Variants in SLC7A14 observed in about 807,000 individuals in gnomAD.
SLC7A14 encodes the protein gamma-aminobutyric acid transporter SLC7A14.
Under a neutral mutation model 60.2 loss-of-function variants are expected in SLC7A14, and 37 were observed. That is an observed-to-expected ratio of 0.61 (90% CI 0.47 to 0.81). The LOEUF is 0.81. Among genes scored for constraint, SLC7A14 ranks in the 30% least tolerant of loss-of-function variants. The pLI, the probability that SLC7A14 is intolerant of heterozygous loss-of-function variation, is 0.00. For synonymous variants in SLC7A14, 399 were observed against 395.8 expected (o/e 1.01, Z -0.10); for missense variants, 886 against 982.7 (o/e 0.90, Z 1.32).
chr3:170,469,252 G>C (rs890214159), intron 7 of SLC7A14, among the ~76,000 whole-genome samples: 1 of 152,090 alleles, frequency 6.6e-6, no homozygotes, highest in African/African-American at 2.4e-5. Flanking sequence ...GAGAAATCTT[G>C]CTCTCTTTTG....
chr3:170,533,032 A>C (rs1377336705), intron 1 of SLC7A14, among the ~76,000 whole-genome samples: 1 of 152,120 alleles, frequency 6.6e-6, no homozygotes, highest in Non-Finnish European at 1.5e-5. Context: ...GGATGGCTAG[A>C]CCATGGTAGG....
intron 4 of SLC7A14, chr3:170,496,642 T>G (rs1577513196): frequency 7.0e-7 from 1 of 1,421,786 alleles, no homozygotes; most frequent in African/African-American, 1.4e-5. Context: ...CCGGCTGGAG[T>G]CTGGGATGCA....
chr3:170,520,590 T>C (rs1713313566), intron 2 of SLC7A14, among the ~76,000 whole-genome samples: 2 of 152,288 alleles, frequency 1.3e-5, no homozygotes, highest in South Asian at 4.1e-4. Context: ...TTCTTATGAG[T>C]AGATGACAAA....
At chr3:170,525,579 CTTGTCATT>C in intron 2 of SLC7A14, among the ~76,000 whole-genome samples, 1 of 152,098 alleles carries the variant, frequency 6.6e-6, no homozygotes, top group African/African-American at 2.4e-5. Flanking sequence ...GATTTACTGA[CTTGTCATT>C]TTGCTGCTCT....
intron 7 of SLC7A14, among the ~76,000 whole-genome samples, chr3:170,469,775 C>T (rs17533055): frequency 0.19 from 29,536 of 151,946 alleles, 2,927 homozygotes; most frequent in East Asian, 0.27. Context: ...CAATTCTTTC[C>T]TTTCTGATGC....
At chr3:170,568,105 A>T (rs979336528) in intron 1 of SLC7A14, among the ~76,000 whole-genome samples, 2 of 152,096 alleles carry the variant, frequency 1.3e-5, no homozygotes, top group African/African-American at 2.4e-5. Flanking sequence ...CTGAATGGTA[A>T]TGCCTAGGTT....
intron 1 of SLC7A14, among the ~76,000 whole-genome samples, chr3:170,584,234 G>A (rs1489232680): frequency 6.6e-6 from 1 of 152,184 alleles, no homozygotes; most frequent in East Asian, 1.9e-4. Context: ...AACATACAGG[G>A]CTGCTTAGCG....
rs762443090 is a variant in SLC7A14, at chr3:170,467,146, C to G, written c.2225G>C (p.Arg742Pro). The part of the protein sequence containing the change: ...QQMSDAKANG[R>P]TSSKAKSKSK... ...TTTGCTCTTCGCTTTGCTACTTGTC[C>G]GGCCGTTTGCCTTCGCATCTGACAT... The change falls in exon 8 of 8, where the codon CGG (arginine) becomes CCG (proline). Residue 742 changes from arginine to proline, a missense_variant. Physicochemically the swap from Arg to Pro is moderately radical, Grantham distance 103. Transcript: ENST00000231706. The G allele has an allele frequency of 6.2e-7, 1 of 1,614,096 alleles. No individual in the cohort carries two copies. The highest frequency in any genetic ancestry group is 1.7e-5 in the Admixed American group (1 of 60,008).
intron 1 of SLC7A14, among the ~76,000 whole-genome samples, chr3:170,558,002 TG>T (rs745481035): frequency 1.3e-5 from 2 of 152,112 alleles, no homozygotes; most frequent in Admixed American, 1.3e-4. Context: ...CACTACACGC[TG>T]GGGGGCAAAA....
intron 2 of SLC7A14, among the ~76,000 whole-genome samples, chr3:170,508,455 C>T (rs1712856169): frequency 6.6e-6 from 1 of 152,218 alleles, no homozygotes; most frequent in Non-Finnish European, 1.5e-5. Flanking sequence ...GTGTCTTATA[C>T]TTCACACTGG....
chr3:170,494,485 AC>A (rs1560257210), intron 4 of SLC7A14, among the ~76,000 whole-genome samples: 1 of 152,160 alleles, frequency 6.6e-6, no homozygotes, highest in Non-Finnish European at 1.5e-5. Flanking sequence ...GGAAAGGGAG[AC>A]CCCCAAAGAG....
intron 1 of SLC7A14, among the ~76,000 whole-genome samples, chr3:170,579,347 T>G (rs879606146): frequency 3.3e-5 from 5 of 152,240 alleles, no homozygotes; most frequent in Non-Finnish European, 7.3e-5. Flanking sequence ...AGCCTTTCCA[T>G]TTCTGAAGAC....
rs946924675 is a variant in SLC7A14, at chr3:170,585,676, G to C, written c.-153+235C>G. ...TGCCCCCAGACCGCGGGCAGTCGGG[G>C]CCTCATTCCGGGCCAGAGCAGGAAA... On this transcript the variant is annotated intron_variant, in intron 1 of 7. Coordinates refer to ENST00000231706, the MANE Select transcript of SLC7A14 (RefSeq NM_020949.3). The surrounding 1 kb of genome is among the most constrained non-coding windows in gnomAD (Gnocchi z 5.1). Among the ~76,000 whole-genome samples, 2 of 152,116 alleles carry C rather than the reference G, an allele frequency of 1.3e-5. No homozygotes were observed. The highest frequency in any genetic ancestry group is 1.3e-4 in the Admixed American group (2 of 15,288).
chr3:170,569,743 G>T (rs552236853), intron 1 of SLC7A14, among the ~76,000 whole-genome samples: 6 of 152,188 alleles, frequency 3.9e-5, no homozygotes, highest in East Asian at 3.9e-4. Flanking sequence ...TCTTGGGAGG[G>T]TGTATGTGTC....
rs1354950285 is a variant in SLC7A14 at position 170,459,551 on chromosome 3, C to T, written c.*7504G>A. 1 of 152,128 alleles carries T rather than the reference C, an allele frequency of 6.6e-6. No homozygotes were observed. Among genetic ancestry groups the T allele is most frequent in the Non-Finnish European group, 1.5e-5 (1 of 68,038 alleles). The allele number at this position is 152,128 out of a possible 1,614,324, so 9.4% of individuals were successfully genotyped here. Reference sequence around the variant, plus strand: ...AAAGGGGTAGGATGGCACTGACTTTCTTCAAATTTAAATTTTATTAGTCGA... The same window carrying T: ...AAAGGGGTAGGATGGCACTGACTTTTTTCAAATTTAAATTTTATTAGTCGA... On this transcript the variant is annotated 3_prime_UTR_variant, in exon 8 of 8. Coordinates refer to ENST00000231706, the MANE Select transcript of SLC7A14 (RefSeq NM_020949.3).
intron 4 of SLC7A14, chr3:170,495,825 C>G (rs1232175801): frequency 1.2e-5 from 14 of 1,126,520 alleles, no homozygotes; most frequent in East Asian, 2.3e-5. Context: ...CCTGCAGCAG[C>G]AGAAGATGGC....
intron 1 of SLC7A14, among the ~76,000 whole-genome samples, chr3:170,563,947 C>T (rs775252461): frequency 4.6e-5 from 7 of 152,160 alleles, no homozygotes; most frequent in South Asian, 2.1e-4. Context: ...TATTAAATAA[C>T]GAATCCTTAT....
In SLC7A14 at chr3:170,480,335, C is replaced by G. The variant is rs1711766745; in HGVS notation, c.1947G>C (p.Lys649Asn). Reference protein sequence around the residue: ...AMLVNIYLMLKLSTITWIRFA... With the variant: ...AMLVNIYLMLNLSTITWIRFA... ...ACCGGATCCATGTGATGGTGGAGAG[C>G]TTTAGCATGAGATAGATGTTCACCA... is the stretch of plus-strand genomic sequence containing the variant. The change falls in exon 7 of 8, where the codon AAG (lysine) becomes AAC (asparagine). Residue 649 changes from lysine to asparagine, a missense_variant. Lys to Asn is a moderately conservative substitution (Grantham distance 94). Transcript: ENST00000231706. The G allele has an allele frequency of 6.4e-7, 1 of 1,573,576 alleles. No homozygotes were observed. The highest frequency in any genetic ancestry group is 1.8e-5 in the Admixed American group (1 of 54,894).
intron 1 of SLC7A14, among the ~76,000 whole-genome samples, chr3:170,557,639 T>C (rs551030672): frequency 1.3e-5 from 2 of 152,356 alleles, no homozygotes; most frequent in South Asian, 2.1e-4. Context: ...GCTCTTTCAC[T>C]GACCAGCTGT....
Sources: allele counts gnomAD v4.1 joint callset (sites outside exome capture counted in the v4.1 genomes callset), GRCh38; gene constraint gnomAD v4.1.1; non-coding constraint Gnocchi (gnomAD v3.1); transcripts MANE v1.5; gene names NCBI Gene and HGNC (gene_info 2026-07-23, HGNC 2026-07-21).